The following POLR1A variants were observed in gnomAD, a reference collection of about 807,000 sequenced individuals.
The protein encoded by POLR1A is DNA-directed RNA polymerase I subunit RPA1.
In POLR1A, 84 loss-of-function variants were observed where a neutral mutation model predicts 205.3. That is an observed-to-expected ratio of 0.41 (90% CI 0.34 to 0.49). POLR1A has a LOEUF of 0.49. Ranked by LOEUF, POLR1A falls within the 20% of genes least tolerant of loss-of-function variation. POLR1A has a pLI of 0.22. For synonymous variants in POLR1A, 799 were observed against 863.7 expected, an observed-to-expected ratio of 0.93 and a Z score of 1.31; for missense variants, 1,645 against 2,204.5, an observed-to-expected ratio of 0.75 and a Z score of 5.08.
intron 1 of POLR1A, among the ~76,000 whole-genome samples, chr2:86,103,693 G>A (rs1309300128): frequency 6.6e-6 from 1 of 152,154 alleles, no homozygotes; most frequent in Non-Finnish European, 1.5e-5. Context: ...CATTTATTCA[G>A]ACTTGAGGAT....
intron 3 of POLR1A, among the ~76,000 whole-genome samples, chr2:86,090,451 C>T (rs1673582315): frequency 6.6e-6 from 1 of 151,552 alleles, no homozygotes; most frequent in African/African-American, 2.4e-5. Context: ...GGGCTAGATT[C>T]CCCAGACCAA....
intron 4 of POLR1A, 101 bp downstream of exon 4, chr2:86,089,721 G>A (rs138298050): frequency 0.025 from 18,448 of 741,148 alleles, 335 homozygotes; most frequent in Non-Finnish European, 0.034. Flanking sequence ...GCAAACTCAG[G>A]TCTACTTTGG....
intron 25 of POLR1A, 138 bp from the exon 26 acceptor site, chr2:86,039,600 C>G (rs1672562593): frequency 4.9e-6 from 5 of 1,019,414 alleles, no homozygotes; most frequent in African/African-American, 1.6e-5. Context: ...TATGCTAGAT[C>G]AGAGAATCCC....
rs759736324 is a variant in POLR1A, at chr2:86,042,028, G to A, written c.3433C>T (p.Pro1145Ser). 6.2e-7 allele frequency: 1 copy of A among 1,613,972 alleles called. No individual in the cohort carries two copies. Among genetic ancestry groups the A allele is most frequent in the Admixed American group, 1.7e-5 (1 of 60,016 alleles). The change falls in exon 24 of 34, where the codon CCC (proline) becomes TCC (serine). Residue 1145 changes from proline to serine, a missense_variant. Around this residue, in one of 16 missense-constraint regions of POLR1A, gnomAD observed 201 missense variants for 222.3 expected, o/e 0.90. Transcript: ENST00000263857. ...TCAGGACGCCAGACAGACAGACTGG[G>A]GTCAGGACAAGCGGCCGCCTTCTTC... Reference protein sequence around the residue: ...YQKKAAACPDPSLSVWRPDIY... With the variant: ...YQKKAAACPDSSLSVWRPDIY...
intron 12 of POLR1A, among the ~76,000 whole-genome samples, chr2:86,072,629 G>A (rs537450813): frequency 6.6e-6 from 1 of 152,368 alleles, no homozygotes; most frequent in East Asian, 1.9e-4. Flanking sequence ...CAGTGCCCCA[G>A]GGTCAGAATT....
intron 23 of POLR1A, among the ~76,000 whole-genome samples, 155 bp downstream of exon 23, chr2:86,042,819 T>C (rs1442386628): frequency 2.0e-5 from 3 of 152,188 alleles, no homozygotes. Flanking sequence ...GTCCCCACCT[T>C]ACATTCCCAT....
chr2:86,099,453 C>T (rs1171984835), intron 2 of POLR1A, among the ~76,000 whole-genome samples: 1 of 151,582 alleles, frequency 6.6e-6, no homozygotes, highest in Non-Finnish European at 1.5e-5. Context: ...AAAAAAAATC[C>T]TGGAGGTGAG....
chr2:86,033,202 C>T (rs759381573), intron 28 of POLR1A, among the ~76,000 whole-genome samples: 1 of 152,248 alleles, frequency 6.6e-6, no homozygotes, highest in Non-Finnish European at 1.5e-5. Flanking sequence ...CCCTCTTCCC[C>T]TTTTTGTCAC....
At chr2:86,076,955 G>A (rs553165588) in intron 11 of POLR1A, among the ~76,000 whole-genome samples, 1 of 152,350 alleles carries the variant, frequency 6.6e-6, no homozygotes, top group East Asian at 1.9e-4. Context: ...GTTCCCAAGA[G>A]GCAGTGGGTA....
intron 2 of POLR1A, 80 bp downstream of exon 2, chr2:86,099,888 G>T: frequency 8.2e-7 from 1 of 1,216,476 alleles, no homozygotes; most frequent in Non-Finnish European, 1.2e-6. Flanking sequence ...AACCTCCTTA[G>T]ACCACTCTTG....
At chr2:86,050,783 T>G (rs1672788200) in intron 16 of POLR1A, among the ~76,000 whole-genome samples, 1 of 152,254 alleles carries the variant, frequency 6.6e-6, no homozygotes, top group Non-Finnish European at 1.5e-5. Context: ...CATTTGAAAC[T>G]GAAATATACA....
At chr2:86,100,375 T>A (rs748776598) in intron 1 of POLR1A, among the ~76,000 whole-genome samples, 6 of 152,158 alleles carry the variant, frequency 3.9e-5, no homozygotes, top group Non-Finnish European at 8.8e-5. Flanking sequence ...ATGTGCTAAA[T>A]GAATAAGTCA....
chr2:86,040,588 G>A (rs1411279529), intron 24 of POLR1A, 29 bp from the exon 25 acceptor site: 1 of 1,501,634 alleles, frequency 6.7e-7, no homozygotes, highest in Non-Finnish European at 8.9e-7. Context: ...GGTCAGGGTG[G>A]GGGTTGTGGC....
At chr2:86,044,403 C>T (rs1047750700) in intron 21 of POLR1A, 99 bp from the exon 22 acceptor site, 3 of 1,307,922 alleles carry the variant, frequency 2.3e-6, no homozygotes, top group Non-Finnish European at 3.2e-6. Context: ...GAAAGGGGGG[C>T]TCCTGTTCTG....
intron 13 of POLR1A, chr2:86,065,811 C>A (rs1245535255): frequency 4.4e-6 from 1 of 228,328 alleles, no homozygotes; most frequent in East Asian, 1.1e-4. Flanking sequence ...TGGCTGCTGT[C>A]AGCTGTGTTC....
chr2:86,105,799 C>T lies in POLR1A; in HGVS notation c.-23G>A. On this transcript the variant is annotated 5_prime_UTR_variant, in exon 1 of 34. Coordinates refer to ENST00000263857, the MANE Select transcript of POLR1A (RefSeq NM_015425.6). ...CATCCTCCAGGTCCGTTTTGAATTC[C>T]GACACCCCAAGAGACGTTCCACTCA... is the stretch of plus-strand genomic sequence containing the variant. 6.2e-7 allele frequency: 1 copy of T among 1,600,830 alleles called. No individual in the cohort carries two copies.
In POLR1A at chr2:86,078,148, T is replaced by C. The variant is rs767729585; in HGVS notation, c.1223A>G (p.Lys408Arg). ...GCCTGGGTACTTGTCCATCATTAGTTTGTCCATCTCGCTATCAAACACAAT... is the reference window on the plus strand; with the variant it reads ...GCCTGGGTACTTGTCCATCATTAGTCTGTCCATCTCGCTATCAAACACAAT... ...VNIVFDSEMD[K>R]LMMDKYPGIR... Residue 408 changes from lysine to arginine, a missense_variant, in exon 10 of 34, where the codon AAA (lysine) becomes AGA (arginine). This residue lies in a region of POLR1A where 131 missense variants were observed against 214.5 expected (regional missense o/e 0.61). Coordinates refer to ENST00000263857, the MANE Select transcript of POLR1A (RefSeq NM_015425.6). 2.0e-5 allele frequency: 33 copies of C among 1,612,908 alleles called. No individual in the cohort carries two copies. In the African/African-American group the frequency reaches 3.3e-4, roughly 16 times the overall value.
Position 86,080,826 on chromosome 2 carries a change from G to A in POLR1A, c.1076C>T (p.Thr359Ile). Residue 359 changes from threonine to isoleucine, a missense_variant, in exon 9 of 34, where the codon ACT (threonine) becomes ATT (isoleucine). Transcript: ENST00000263857. ...CAGAGCAGCCCTGACCTCATCTGTA[G>A]TGGGTGTGGCCACTTCCTCTGGCAA... ...QKLPEEVATP[T>I]TDEEKDSLIA... 6.2e-7 allele frequency: 1 copy of A among 1,611,876 alleles called. No homozygotes were observed. The highest frequency in any genetic ancestry group is 1.3e-5 in the African/African-American group (1 of 75,018).
chr2:86,097,964 ACTGT>A (rs1445950408), intron 3 of POLR1A, among the ~76,000 whole-genome samples: 2 of 152,224 alleles, frequency 1.3e-5, no homozygotes, highest in African/African-American at 2.4e-5. Context: ...ATCACTATAC[ACTGT>A]CTGTATCACA....
Sources: allele counts gnomAD v4.1 joint callset (sites outside exome capture counted in the v4.1 genomes callset), GRCh38; gene constraint gnomAD v4.1.1; regional missense constraint gnomAD v4.1.1; transcripts MANE v1.5; gene names NCBI Gene and HGNC (gene_info 2026-07-23, HGNC 2026-07-21).